Variants in CACNA1C observed in about 807,000 individuals in gnomAD.
The protein encoded by CACNA1C is calcium voltage-gated channel subunit alpha1 C.
Under a neutral mutation model 229.0 loss-of-function variants are expected in CACNA1C, and 30 were observed. That is an observed-to-expected ratio of 0.13 (90% CI 0.10 to 0.18). The LOEUF (loss-of-function observed/expected upper bound fraction) is 0.18. CACNA1C is among the 10% of genes least tolerant of loss of function. The pLI is 1.00. For missense variants in CACNA1C, 1,658 were observed against 2,845.0 expected (o/e 0.58, Z 9.49); for synonymous variants, 1,114 against 1,132.5 (o/e 0.98, Z 0.33).
At chr12:2,041,434 G>A (rs1045829332) in intron 1 of CACNA1C, among the ~76,000 whole-genome samples, 1 of 151,846 alleles carries the variant, frequency 6.6e-6, no homozygotes, top group Non-Finnish European at 1.5e-5. Flanking sequence ...TTGCCACCGC[G>A]TCCGGCTAAT....
rs528482829 is a variant in CACNA1C, at chr12:2,513,066, G to A, written c.1390+82G>A. The stretch of plus-strand genomic sequence containing the variant: ...TCGGGGTCAGCACAGAACTTTGACC[G>A]CCACCCTTTCTTAGAAGCCCACGGG... On this transcript the variant is annotated intron_variant, in intron 9 of 46. Transcript: ENST00000399655. 57 of 1,186,818 alleles carry A rather than the reference G, an allele frequency of 4.8e-5. 1 individual carries two copies. In the Admixed American group the frequency reaches 7.5e-4, roughly 16 times the overall value. 73.5% of individuals were successfully genotyped at this position (1,186,818 alleles called of 1,614,324 possible).
At chr12:2,198,803 G>T (rs1466200270) in intron 3 of CACNA1C, among the ~76,000 whole-genome samples, 1 of 152,076 alleles carries the variant, frequency 6.6e-6, no homozygotes, top group Non-Finnish European at 1.5e-5. Flanking sequence ...CACCACATCA[G>T]AGAGAGGCAT....
At chr12:2,056,186 AGTGTGTGTGAGTGTGTGT>A (rs1443506153) in intron 1 of CACNA1C, among the ~76,000 whole-genome samples, 2 of 103,598 alleles carry the variant, frequency 1.9e-5, no homozygotes, top group Admixed American at 1.0e-4. Flanking sequence ...TGCATGTGTG[AGTGTGTGTGAGTGTGTGT>A]GTGTGTGTGT....
At chr12:2,684,959 G>A (rs1469719269) in intron 43 of CACNA1C, among the ~76,000 whole-genome samples, 2 of 152,170 alleles carry the variant, frequency 1.3e-5, no homozygotes, top group Non-Finnish European at 2.9e-5. Context: ...GGTCTCATCT[G>A]GGAATGAGGT....
intron 3 of CACNA1C, among the ~76,000 whole-genome samples, chr12:2,385,742 T>C (rs144149577): frequency 0.011 from 1,731 of 152,308 alleles, 39 homozygotes; most frequent in African/African-American, 0.039. Flanking sequence ...AACTATAAAC[T>C]CCTTAACATG....
chr12:2,260,934 TA>T (rs985465123), intron 3 of CACNA1C, among the ~76,000 whole-genome samples: 4 of 152,074 alleles, frequency 2.6e-5, no homozygotes, highest in South Asian at 2.1e-4. Context: ...CTTAATTCAT[TA>T]AAAAACCGAT....
chr12:2,293,564 C>G (rs2154460000), intron 3 of CACNA1C, among the ~76,000 whole-genome samples: 1 of 152,216 alleles, frequency 6.6e-6, no homozygotes, highest in South Asian at 2.1e-4. Context: ...TGAGATTTTT[C>G]TTGCATTTAT....
At chr12:2,627,381 T>C (rs113395302) in intron 29 of CACNA1C, among the ~76,000 whole-genome samples, 2 of 152,222 alleles carry the variant, frequency 1.3e-5, no homozygotes, top group African/African-American at 4.8e-5. Flanking sequence ...TTTCATGATA[T>C]TCAATGGGAT....
intron 30 of CACNA1C, among the ~76,000 whole-genome samples, chr12:2,644,184 T>C (rs964671895): frequency 1.3e-5 from 2 of 152,252 alleles, no homozygotes; most frequent in African/African-American, 4.8e-5. Flanking sequence ...TTAGTGACAC[T>C]GAGGTCATAG....
rs926715820 is a variant in CACNA1C at position 2,287,433 on chromosome 12, T to C, written c.478-161543T>C. On this transcript the variant is annotated intron_variant, in intron 3 of 46. Transcript: ENST00000399655. This position sits in a 1 kb window ranked among gnomAD's most constrained non-coding sequence, Gnocchi z 4.6. ...CGTGGCTGCTCGTGTGTTCCGTGGC[T>C]GTTTAGGAAGGTTGGGTCAGTGGAG... Among the ~76,000 whole-genome samples the C allele has an allele frequency of 1.6e-4, 24 of 152,130 alleles. No individual in the cohort carries two copies. The highest frequency in any genetic ancestry group is 2.9e-4 in the Non-Finnish European group (20 of 68,018).
At chr12:2,267,712 T>C (rs1171493382) in intron 3 of CACNA1C, among the ~76,000 whole-genome samples, 1 of 152,218 alleles carries the variant, frequency 6.6e-6, no homozygotes, top group African/African-American at 2.4e-5. Flanking sequence ...ATGCTCAGCC[T>C]TGCCAGGCAG....
At chr12:1,983,187 G>T (rs1170421893) in intron 1 of CACNA1C, among the ~76,000 whole-genome samples, 1 of 150,888 alleles carries the variant, frequency 6.6e-6, no homozygotes, top group Non-Finnish European at 1.5e-5. Context: ...TCTTTTCAAA[G>T]ATAATCAGGT....
At chr12:2,280,886 TTCATC>T (rs1471443180) in intron 3 of CACNA1C, among the ~76,000 whole-genome samples, 3 of 152,272 alleles carry the variant, frequency 2.0e-5, no homozygotes, top group Non-Finnish European at 4.4e-5. Flanking sequence ...AGGATTCAGT[TTCATC>T]TCTTCTGTTG....
At chr12:2,624,798 A>G (rs759948860) in intron 29 of CACNA1C, among the ~76,000 whole-genome samples, 4 of 152,218 alleles carry the variant, frequency 2.6e-5, no homozygotes, top group Admixed American at 1.3e-4. Flanking sequence ...TGTTTATCCA[A>G]TCTATTGAGA....
intron 4 of CACNA1C, among the ~76,000 whole-genome samples, chr12:2,455,461 G>T (rs1468249081): frequency 6.6e-6 from 1 of 152,150 alleles, no homozygotes; most frequent in Non-Finnish European, 1.5e-5. Flanking sequence ...TAATATTTTG[G>T]CTATGTCGGG....
chr12:2,135,841 C>A (rs551967441), intron 3 of CACNA1C, among the ~76,000 whole-genome samples: 1 of 146,094 alleles, frequency 6.8e-6, no homozygotes, highest in South Asian at 2.1e-4. Context: ...CCACCCAGTT[C>A]GAGCTTCCCG....
At chr12:2,263,566 G>A (rs1168181713) in intron 3 of CACNA1C, among the ~76,000 whole-genome samples, 3 of 152,054 alleles carry the variant, frequency 2.0e-5, no homozygotes, top group Admixed American at 6.5e-5. Flanking sequence ...CAGTCAGGAG[G>A]CTGGATCAGT....
intron 1 of CACNA1C, chr12:2,004,117 A>AC: frequency 6.2e-6 from 6 of 968,960 alleles, no homozygotes; most frequent in Non-Finnish European, 9.0e-6. Flanking sequence ...CTTCCCCCAA[A>AC]CCCCCGAGAC....
chr12:2,086,318 A>G (rs2067624187), intron 1 of CACNA1C, among the ~76,000 whole-genome samples: 1 of 152,200 alleles, frequency 6.6e-6, no homozygotes, highest in Non-Finnish European at 1.5e-5. Flanking sequence ...CCCTTTTAGC[A>G]TTACTCTATG....
Sources: gnomAD v4.1 joint callset for allele counts (sites outside exome capture counted in the v4.1 genomes callset) on GRCh38, gnomAD v4.1.1 for gene constraint, Gnocchi (gnomAD v3.1) non-coding constraint, MANE v1.5 for transcripts, NCBI Gene and HGNC (gene_info 2026-07-23, HGNC 2026-07-21) for gene names.